The following FUT8 variants were observed in gnomAD, a reference collection of about 807,000 sequenced individuals.
The protein encoded by FUT8 is alpha-(1,6)-fucosyltransferase.
FUT8 carries 29 observed loss-of-function variants against 71.3 expected under a neutral mutation model. The ratio of observed to expected loss-of-function variants is 0.41; its 90% CI spans 0.30 to 0.55. FUT8 has a LOEUF of 0.55. Among genes scored for constraint, FUT8 ranks in the 20% least tolerant of loss-of-function variants. The pLI is 0.34. For missense variants in FUT8, 544 were observed against 702.1 expected (o/e 0.77, Z 2.55); for synonymous variants, 254 against 239.3 (o/e 1.06, Z -0.57).
chr14:65,563,874 C>T (rs574784885), intron 3 of FUT8, among the ~76,000 whole-genome samples: 1 of 152,094 alleles, frequency 6.6e-6, no homozygotes, highest in African/African-American at 2.4e-5. Flanking sequence ...ATTAATTTCT[C>T]AACTACATTT....
At chr14:65,642,356 AT>A (rs1284402106) in intron 6 of FUT8, among the ~76,000 whole-genome samples, 1 of 152,150 alleles carries the variant, frequency 6.6e-6, no homozygotes, top group Non-Finnish European at 1.5e-5. Context: ...TAATCTCAGC[AT>A]TTTGGGAGTC....
At chr14:65,543,212 A>G (rs1475538493) in intron 2 of FUT8, among the ~76,000 whole-genome samples, 1 of 152,204 alleles carries the variant, frequency 6.6e-6, no homozygotes. Context: ...ATTTGGACCT[A>G]TTTCTGAACA....
In FUT8 at chr14:65,504,543, G is replaced by T. The variant is rs550162244; in HGVS notation, c.-228+48825G>T. Among the ~76,000 whole-genome samples, 3 of 152,280 alleles carry T rather than the reference G, an allele frequency of 2.0e-5. No homozygotes were observed. In the East Asian group the frequency reaches 5.8e-4, roughly 29 times the overall value. On this transcript the variant is annotated intron_variant, in intron 2 of 10. Transcript: ENST00000673929. Reference sequence around the variant, plus strand: ...TTATATTCTAGGGGAAGGAAGATAAGACTTTTTTAAATATATTGAAATAAC... The same window carrying T: ...TTATATTCTAGGGGAAGGAAGATAATACTTTTTTAAATATATTGAAATAAC...
At chr14:65,440,943 AT>A (rs2065645302) in intron 1 of FUT8, among the ~76,000 whole-genome samples, 1 of 152,186 alleles carries the variant, frequency 6.6e-6, no homozygotes, top group South Asian at 2.1e-4. Context: ...CTCTGCAACA[AT>A]TTATAACTGT....
At position 65,633,040 on chromosome 14, in the gene FUT8, C is replaced by T. The variant is rs961336853; in HGVS notation, c.597+3434C>T. 3.2e-4 allele frequency among the ~76,000 whole-genome samples: 48 copies of T among 148,066 alleles called. 1 individual carries two copies. The highest frequency in any genetic ancestry group is 1.2e-4 in the Non-Finnish European group (8 of 67,132). On this transcript the variant is annotated intron_variant, in intron 6 of 10. Coordinates refer to ENST00000673929, the MANE Select transcript of FUT8 (RefSeq NM_001371533.1). ...GTCTCCCCAGGGTCTCCCTCTCCCT[C>T]TCTTTCCACGGTCTCCCTCTGATGC...
chr14:65,373,868 G>A, the FUT8 span, among the ~76,000 whole-genome samples: 1 of 152,226 alleles, frequency 6.6e-6, no homozygotes, highest in Non-Finnish European at 1.5e-5. Context: ...CTTTCTTCCA[G>A]CTGTGCCAGA....
At position 65,652,335 on chromosome 14, in the gene FUT8, A is replaced by G. The variant is rs111384658; in HGVS notation, c.598-16908A>G. ...GTGCGATTTGCTCCTGGTTGATTCA[A>G]TATAAGAGGAAGTTGGCTGGTGGGA... On this transcript the variant is annotated intron_variant, in intron 6 of 10. Coordinates refer to ENST00000673929, the MANE Select transcript of FUT8 (RefSeq NM_001371533.1). This position sits in a 1 kb window ranked among gnomAD's most constrained non-coding sequence, Gnocchi z 4.0. Among the ~76,000 whole-genome samples, 1 of 152,228 alleles carries G rather than the reference A, an allele frequency of 6.6e-6. No homozygotes were observed. The highest frequency in any genetic ancestry group is 2.4e-5 in the African/African-American group (1 of 41,464).
At chr14:65,623,755 C>T (rs775107209) in intron 5 of FUT8, among the ~76,000 whole-genome samples, 6 of 152,104 alleles carry the variant, frequency 3.9e-5, no homozygotes, top group African/African-American at 1.2e-4. Context: ...ATATTCTACT[C>T]GGTGTCTTCA....
chr14:65,725,422 ACTT>A (rs200635412), intron 9 of FUT8, among the ~76,000 whole-genome samples: 1,888 of 152,340 alleles, frequency 0.012, 15 homozygotes, highest in Non-Finnish European at 0.018. Flanking sequence ...CTGATTGGAC[ACTT>A]CTTATAGGAT....
chr14:65,633,760 G>A (rs1340918678), intron 6 of FUT8, among the ~76,000 whole-genome samples: 2 of 151,994 alleles, frequency 1.3e-5, no homozygotes, highest in African/African-American at 4.8e-5. Flanking sequence ...CCCCGTCTGA[G>A]AAGTGAGGAG....
At chr14:65,478,234 C>T (rs1481722766) in intron 2 of FUT8, among the ~76,000 whole-genome samples, 1 of 152,062 alleles carries the variant, frequency 6.6e-6, no homozygotes, top group Non-Finnish European at 1.5e-5. Context: ...ATTTGATACA[C>T]AGGAGTCCCC....
chr14:65,419,687 A>G (rs993300628), intron 1 of FUT8, among the ~76,000 whole-genome samples: 1 of 152,168 alleles, frequency 6.6e-6, no homozygotes, highest in Admixed American at 6.5e-5. Flanking sequence ...AGGGTAAACA[A>G]TTTGCTTTCT....
At chr14:65,711,750 T>C (rs1373967310) in intron 7 of FUT8, among the ~76,000 whole-genome samples, 1 of 152,182 alleles carries the variant, frequency 6.6e-6, no homozygotes, top group Non-Finnish European at 1.5e-5. Flanking sequence ...ATTATTTTAC[T>C]GCCATTTATT....
chr14:65,668,030 T>C lies in FUT8; in HGVS notation c.598-1213T>C, dbSNP rs538853619. ...TAACTGGTTAGCTATATGCATAAGA[T>C]TGAAACTGGACCCCTTCCTTTCACT... On this transcript the variant is annotated intron_variant, in intron 6 of 10. Coordinates refer to ENST00000673929, the MANE Select transcript of FUT8 (RefSeq NM_001371533.1). 2.5e-3 allele frequency among the ~76,000 whole-genome samples: 380 copies of C among 152,240 alleles called. 3 individuals carry two copies. In the Middle Eastern group the frequency reaches 0.037, roughly 15 times the overall value.
chr14:65,512,096 G>A (rs1882383751), intron 2 of FUT8, among the ~76,000 whole-genome samples: 1 of 152,178 alleles, frequency 6.6e-6, no homozygotes, highest in South Asian at 2.1e-4. Flanking sequence ...AATATTGTAG[G>A]CAATTGTAAC....
rs1043014321 is a variant in FUT8, at chr14:65,660,740, G to T, written c.598-8503G>T. On this transcript the variant is annotated intron_variant, in intron 6 of 10. Coordinates refer to ENST00000673929, the MANE Select transcript of FUT8 (RefSeq NM_001371533.1). This position sits in a 1 kb window ranked among gnomAD's most constrained non-coding sequence, Gnocchi z 4.1. ...ATATGTTAAGGGACAATAATTTCTGGTCTTGGCTTTTAAAAGTGAGCATGC... is the reference window on the plus strand; with the variant it reads ...ATATGTTAAGGGACAATAATTTCTGTTCTTGGCTTTTAAAAGTGAGCATGC... Among the ~76,000 whole-genome samples the T allele has an allele frequency of 5.3e-5, 8 of 152,114 alleles. No homozygotes were observed. Among genetic ancestry groups the T allele is most frequent in the African/African-American group, 1.9e-4 (8 of 41,434 alleles).
chr14:65,412,459 A>C, upstream of FUT8: 1 of 409,824 alleles, frequency 2.4e-6, no homozygotes, highest in Non-Finnish European at 4.9e-6. Flanking sequence ...CGCCCCGCTC[A>C]GCCTCCGGCC....
At chr14:65,736,853 T>C (rs538850133) in intron 10 of FUT8, among the ~76,000 whole-genome samples, 5 of 152,252 alleles carry the variant, frequency 3.3e-5, no homozygotes, top group Admixed American at 3.3e-4. Context: ...GATCCAAGTT[T>C]AATATCTCCT....
At chr14:65,373,443 A>C in the FUT8 span, among the ~76,000 whole-genome samples, 1 of 151,736 alleles carries the variant, frequency 6.6e-6, no homozygotes, top group Non-Finnish European at 1.5e-5. Flanking sequence ...TGTTGAGAGG[A>C]GTTCGGCTGG....
Sources: allele counts gnomAD v4.1 joint callset (sites outside exome capture counted in the v4.1 genomes callset), GRCh38; gene constraint gnomAD v4.1.1; non-coding constraint Gnocchi (gnomAD v3.1); transcripts MANE v1.5; gene names NCBI Gene and HGNC (gene_info 2026-07-23, HGNC 2026-07-21).